The following MDGA2 variants were observed in gnomAD, a reference collection of about 807,000 sequenced individuals.
MDGA2 encodes the protein MAM domain-containing glycosylphosphatidylinositol anchor protein 2.
A neutral mutation model predicts 117.8 loss-of-function variants in MDGA2; 40 were observed. That is an observed-to-expected ratio of 0.34 (90% CI 0.26 to 0.44). MDGA2 has a LOEUF of 0.44. MDGA2 is among the 20% of genes least tolerant of loss of function. MDGA2 has a pLI of 1.00. For synonymous variants in MDGA2, 452 were observed against 439.0 expected, an observed-to-expected ratio of 1.03 and a Z score of -0.37; for missense variants, 1,123 against 1,250.6, an observed-to-expected ratio of 0.90 and a Z score of 1.54.
intron 1 of MDGA2, among the ~76,000 whole-genome samples, chr14:47,535,945 A>C (rs4898572): frequency 0.93 from 141,598 of 152,302 alleles, 65,954 homozygotes; most frequent in East Asian, 1. Flanking sequence ...GCCTTCCAAG[A>C]GGGCTTCACA....
At chr14:46,913,925 T>C (rs867633587) in intron 10 of MDGA2, among the ~76,000 whole-genome samples, 7 of 152,184 alleles carry the variant, frequency 4.6e-5, no homozygotes, top group Non-Finnish European at 1.0e-4. Context: ...ATAAGTATGA[T>C]AATTCTAAAT....
chr14:47,157,583 C>T (rs1407235347), intron 3 of MDGA2, among the ~76,000 whole-genome samples: 2 of 147,476 alleles, frequency 1.4e-5, no homozygotes, highest in African/African-American at 2.6e-5. Flanking sequence ...AATTTTTAAA[C>T]TATGTACATA....
At chr14:47,531,435 G>A (rs1266610061) in intron 1 of MDGA2, among the ~76,000 whole-genome samples, 3 of 152,086 alleles carry the variant, frequency 2.0e-5, no homozygotes, top group Admixed American at 6.5e-5. Flanking sequence ...TACTAGCAGC[G>A]ACTCATATTA....
intron 6 of MDGA2, among the ~76,000 whole-genome samples, chr14:47,062,639 T>A (rs1889930281): frequency 6.6e-6 from 1 of 151,892 alleles, no homozygotes; most frequent in Non-Finnish European, 1.5e-5. Flanking sequence ...TAAGCCTAAA[T>A]ATGTAATGAT....
At chr14:47,117,044 A>G (rs557813393) in intron 5 of MDGA2, among the ~76,000 whole-genome samples, 17 of 151,208 alleles carry the variant, frequency 1.1e-4, no homozygotes, top group African/African-American at 3.4e-4. Context: ...GGAAATCCCA[A>G]AACTCAATAG....
At chr14:47,574,892 A>G (rs1896088210) in intron 1 of MDGA2, among the ~76,000 whole-genome samples, 1 of 152,112 alleles carries the variant, frequency 6.6e-6, no homozygotes, top group African/African-American at 2.4e-5. Flanking sequence ...TGTGCTCCTC[A>G]CTGCTCTATT....
At chr14:47,340,959 T>C (rs1226753141) in intron 1 of MDGA2, among the ~76,000 whole-genome samples, 1 of 152,190 alleles carries the variant, frequency 6.6e-6, no homozygotes, top group Non-Finnish European at 1.5e-5. Context: ...CTTAAGAGAA[T>C]ATTGATTCAG....
chr14:46,920,928 T>G (rs772281063), intron 9 of MDGA2, among the ~76,000 whole-genome samples: 5 of 152,174 alleles, frequency 3.3e-5, no homozygotes, highest in African/African-American at 4.8e-5. Context: ...TAGCTTATAT[T>G]TAGATTTTTA....
intron 2 of MDGA2, among the ~76,000 whole-genome samples, chr14:47,255,872 C>T (rs906298551): frequency 3.9e-5 from 6 of 151,954 alleles, no homozygotes; most frequent in African/African-American, 1.2e-4. Flanking sequence ...ATAAGTATTA[C>T]TGGAAACCAG....
intron 1 of MDGA2, among the ~76,000 whole-genome samples, chr14:47,504,573 G>A (rs1894471243): frequency 2.0e-5 from 3 of 151,854 alleles, no homozygotes; most frequent in Admixed American, 2.0e-4. Flanking sequence ...CATACAAATG[G>A]CTAACAGGTA....
chr14:47,249,937 G>A (rs1469918303), intron 2 of MDGA2, among the ~76,000 whole-genome samples: 1 of 152,174 alleles, frequency 6.6e-6, no homozygotes, highest in East Asian at 1.9e-4. Context: ...CAAGGAAACA[G>A]ACCCTCACAC....
chr14:47,523,965 A>G (rs1894921953), intron 1 of MDGA2, among the ~76,000 whole-genome samples: 1 of 152,146 alleles, frequency 6.6e-6, no homozygotes, highest in Non-Finnish European at 1.5e-5. Flanking sequence ...AACTGACAAT[A>G]CTTTCCAGTA....
At chr14:47,407,468 G>A (rs1170462534) in intron 1 of MDGA2, among the ~76,000 whole-genome samples, 1 of 151,784 alleles carries the variant, frequency 6.6e-6, no homozygotes, top group Non-Finnish European at 1.5e-5. Context: ...TTATTCAACT[G>A]GAATCTTTGT....
At chr14:47,462,076 T>A (rs1893498527) in intron 1 of MDGA2, among the ~76,000 whole-genome samples, 1 of 152,278 alleles carries the variant, frequency 6.6e-6, no homozygotes, top group East Asian at 1.9e-4. Flanking sequence ...TCTAATTGCT[T>A]TCGTACCTTT....
At chr14:47,310,219 C>T (rs1889591024) in intron 1 of MDGA2, among the ~76,000 whole-genome samples, 1 of 151,948 alleles carries the variant, frequency 6.6e-6, no homozygotes, top group Non-Finnish European at 1.5e-5. Context: ...AAAACCCTTG[C>T]ATGTTTTAGA....
At chr14:47,251,575 A>G (rs1302988195) in intron 2 of MDGA2, among the ~76,000 whole-genome samples, 2 of 152,174 alleles carry the variant, frequency 1.3e-5, no homozygotes, top group Non-Finnish European at 1.5e-5. Flanking sequence ...TGAATAAACC[A>G]TCGTACAATT....
At chr14:46,852,060 T>G (rs1881080067) in intron 15 of MDGA2, among the ~76,000 whole-genome samples, 1 of 151,758 alleles carries the variant, frequency 6.6e-6, no homozygotes, top group Admixed American at 6.6e-5. Context: ...CCAATAGACC[T>G]AGAAATATGT....
intron 1 of MDGA2, among the ~76,000 whole-genome samples, chr14:47,651,863 T>C (rs932555447): frequency 7.2e-5 from 11 of 152,030 alleles, no homozygotes; most frequent in African/African-American, 2.7e-4. Context: ...TGGACCTGGG[T>C]GACTTAATGA....
At chr14:47,179,958 T>C (rs1056500355) in intron 3 of MDGA2, among the ~76,000 whole-genome samples, 3 of 152,180 alleles carry the variant, frequency 2.0e-5, no homozygotes, top group Admixed American at 6.6e-5. Context: ...TATGTTAATA[T>C]ATCTTAATGT....
Sources: gnomAD v4.1 joint callset for allele counts (sites outside exome capture counted in the v4.1 genomes callset) on GRCh38, gnomAD v4.1.1 for gene constraint, MANE v1.5 for transcripts, NCBI Gene and HGNC (gene_info 2026-07-23, HGNC 2026-07-21) for gene names.